The following HSF1 variants were observed in gnomAD, a reference collection of about 807,000 sequenced individuals.
HSF1 encodes heat shock factor protein 1.
Under a neutral mutation model 51.7 loss-of-function variants are expected in HSF1, and 32 were observed. The observed-to-expected ratio is 0.62, with a 90% CI of 0.47 to 0.83. The LOEUF is 0.83. Ranked by LOEUF, HSF1 falls within the 40% of genes least tolerant of loss-of-function variation. HSF1 has a pLI of 0.00. For synonymous variants in HSF1, 396 were observed against 309.7 expected, an observed-to-expected ratio of 1.28 and a Z score of -2.92; for missense variants, 727 against 717.0, an observed-to-expected ratio of 1.01 and a Z score of -0.16.
intron 2 of HSF1, 76 bp from the exon 3 acceptor site, chr8:144,309,379 C>A: frequency 2.5e-6 from 4 of 1,590,904 alleles, no homozygotes; most frequent in Non-Finnish European, 3.4e-6. Context: ...GCAGCAGCCT[C>A]CTGGAGCAGT....
chr8:144,309,012 T>C lies in HSF1; in HGVS notation c.224T>C (p.Met75Thr). The C allele has an allele frequency of 6.2e-7, 1 of 1,610,150 alleles. No individual in the cohort carries two copies. The highest frequency in any genetic ancestry group is 8.5e-7 in the Non-Finnish European group (1 of 1,176,494). ...NMASFVRQLN[M>T]YGFRKVVHIE... ...GCCAGCTTCGTGCGGCAGCTCAACA[T>C]GTGTGAGTGCTGCCTCCAGGCAGCG... is the stretch of plus-strand genomic sequence containing the variant. The change falls in exon 2 of 13, where the codon ATG (methionine) becomes ACG (threonine). Residue 75 changes from methionine (M) to threonine (T), a missense_variant and splice_region_variant. This residue lies in a region of HSF1 where 257 missense variants were observed against 318.3 expected (regional missense o/e 0.81). Transcript: ENST00000528838.
chr8:144,309,541 C>T lies in HSF1; in HGVS notation c.313C>T (p.Leu105=), dbSNP rs1554843889. 3 of 1,614,072 alleles carry T rather than the reference C, an allele frequency of 1.9e-6. No homozygotes were observed. The highest frequency in any genetic ancestry group is 2.2e-5 in the East Asian group (1 of 44,884). Residue 105 remains leucine (L), a synonymous_variant, in exon 3 of 13, where the codon CTG becomes TTG. Coordinates refer to ENST00000528838, the MANE Select transcript of HSF1 (RefSeq NM_005526.4). ...CACGGAGTTCCAGCACCCATGCTTCCTGCGTGGCCAGGAGCAGCTCCTTGA... is the reference window on the plus strand; with the variant it reads ...CACGGAGTTCCAGCACCCATGCTTCTTGCGTGGCCAGGAGCAGCTCCTTGA... The part of the protein sequence containing the change: ...DDTEFQHPCF[L]RGQEQLLENI...
chr8:144,304,561 T>C (rs1554842951), intron 1 of HSF1, among the ~76,000 whole-genome samples: 1 of 152,206 alleles, frequency 6.6e-6, no homozygotes, highest in Non-Finnish European at 1.5e-5. Flanking sequence ...ATTACAGGCA[T>C]GAGTAACTAC....
rs1321741817 is a variant in HSF1 at position 144,313,650 on chromosome 8, C to G, written c.1248+34C>G. On this transcript the variant is annotated intron_variant, in intron 10 of 12. Coordinates refer to ENST00000528838, the MANE Select transcript of HSF1 (RefSeq NM_005526.4). The stretch of plus-strand genomic sequence containing the variant: ...AGCCCCGCCGCCCCGCCTCCCCGCC[C>G]CGCCTCCCCGCCGCGCCGCCCCGCC... The G allele has an allele frequency of 4.0e-5, 10 of 249,798 alleles. 1 individual carries two copies. Among genetic ancestry groups the G allele is most frequent in the East Asian group, 2.5e-4 (2 of 8,066 alleles). 15.5% of individuals were successfully genotyped at this position (249,798 alleles called of 1,614,324 possible). A position where few individuals can be genotyped will look rare whatever the true frequency, so the allele number is the denominator to read the frequency against.
chr8:144,299,289 T>G (rs1815696834), intron 1 of HSF1, among the ~76,000 whole-genome samples: 1 of 151,366 alleles, frequency 6.6e-6, no homozygotes, highest in African/African-American at 2.4e-5. Flanking sequence ...TACAAAAAAT[T>G]AGCCATGTGT....
intron 1 of HSF1, among the ~76,000 whole-genome samples, chr8:144,302,337 T>C (rs1815944486): frequency 6.7e-6 from 1 of 149,612 alleles, no homozygotes; most frequent in South Asian, 2.2e-4. Context: ...TGAAACCCCG[T>C]CTCTACTGAA....
rs1430020082 is a variant in HSF1, at chr8:144,297,703, C to T, written c.117+5829C>T. Among the ~76,000 whole-genome samples the T allele has an allele frequency of 6.6e-6, 1 of 152,150 alleles. No homozygotes were observed. Among genetic ancestry groups the T allele is most frequent in the African/African-American group, 2.4e-5 (1 of 41,418 alleles). ...TCCTAAAGCCTATACTCCCGGGACC[C>T]GGAGAGGGAACAGCCGGCCAGCCGA... is the stretch of plus-strand genomic sequence containing the variant. On this transcript the variant is annotated intron_variant, in intron 1 of 12. Coordinates refer to ENST00000528838, the MANE Select transcript of HSF1 (RefSeq NM_005526.4). This position sits in a 1 kb window ranked among gnomAD's most constrained non-coding sequence, Gnocchi z 4.6.
rs1554844751 is a variant in HSF1, at chr8:144,311,960, C to T, written c.861-3C>T. ...CAGCTCACCTGGCCCCCCTCGTGTG[C>T]AGGCCCCTATCCAGCAGCCCCCTGG... On this transcript the variant is annotated splice_region_variant and splice_polypyrimidine_tract_variant and intron_variant, in intron 8 of 12. Transcript: ENST00000528838. The T allele has an allele frequency of 7.0e-6, 11 of 1,582,592 alleles. No homozygotes were observed. Among genetic ancestry groups the T allele is most frequent in the Admixed American group, 3.5e-5 (2 of 57,136 alleles).
At chr8:144,294,632 G>A (rs903654737) in intron 1 of HSF1, among the ~76,000 whole-genome samples, 4 of 152,228 alleles carry the variant, frequency 2.6e-5, no homozygotes, top group Admixed American at 2.0e-4. Flanking sequence ...ACCATTGCAC[G>A]TCCCCTCCCT....
Position 144,291,811 on chromosome 8 carries a change from C to G in HSF1, c.54C>G (p.Phe18Leu). ...CGGGGCCCAGCAACGTCCCGGCCTT[C>G]CTGACCAAGCTGTGGACCCTCGTGA... ...GAAGPSNVPA[F>L]LTKLWTLVSD... The change falls in exon 1 of 13, where the codon TTC (phenylalanine) becomes TTG (leucine). Residue 18 changes from phenylalanine to leucine, a missense_variant. Transcript: ENST00000528838. The surrounding 1 kb of genome is among the most constrained non-coding windows in gnomAD (Gnocchi z 4.1). 1 of 1,555,374 alleles carries G rather than the reference C, an allele frequency of 6.4e-7. No individual in the cohort carries two copies. The highest frequency in any genetic ancestry group is 8.7e-7 in the Non-Finnish European group (1 of 1,155,306).
At chr8:144,300,040 G>C (rs1554841984) in intron 1 of HSF1, among the ~76,000 whole-genome samples, 1 of 152,190 alleles carries the variant, frequency 6.6e-6, no homozygotes, top group East Asian at 1.9e-4. Context: ...CTTCGAGGAG[G>C]TGATGCTTAA....
intron 3 of HSF1, 27 bp from the exon 4 acceptor site, chr8:144,309,745 T>C: frequency 1.2e-6 from 2 of 1,609,928 alleles, no homozygotes; most frequent in Non-Finnish European, 1.7e-6. Context: ...GCTGCTCCAG[T>C]GACTCCTGTC....
intron 1 of HSF1, among the ~76,000 whole-genome samples, chr8:144,302,704 C>T (rs764283718): frequency 1.4e-4 from 21 of 151,658 alleles, no homozygotes; most frequent in Non-Finnish European, 2.1e-4. Context: ...CTCCTGTGGG[C>T]CCAGCTACGC....
Position 144,314,376 on chromosome 8 carries a change from C to T in HSF1, c.*46C>T, listed in dbSNP as rs781867973. On this transcript the variant is annotated 3_prime_UTR_variant, in exon 13 of 13. Coordinates refer to ENST00000528838, the MANE Select transcript of HSF1 (RefSeq NM_005526.4). Reference sequence around the variant, plus strand: ...CAGCCGCCCACCCCCACCCCCAGTGCAGGGCTGGTCTTGGGGAGGCAGGGC... The same window carrying T: ...CAGCCGCCCACCCCCACCCCCAGTGTAGGGCTGGTCTTGGGGAGGCAGGGC... 7.4e-6 allele frequency: 11 copies of T among 1,494,866 alleles called. No homozygotes were observed. The highest frequency in any genetic ancestry group is 1.7e-4 in the Middle Eastern group (1 of 5,808). 92.6% of individuals were successfully genotyped at this position (1,494,866 alleles called of 1,614,324 possible).
At chr8:144,296,927 T>TTGG in intron 1 of HSF1, among the ~76,000 whole-genome samples, 1 of 150,352 alleles carries the variant, frequency 6.7e-6, no homozygotes, top group South Asian at 2.1e-4. Flanking sequence ...GATGGTGTGG[T>TTGG]GGGGGGGGTG....
At chr8:144,302,597 G>A (rs904344638) in intron 1 of HSF1, among the ~76,000 whole-genome samples, 25 of 152,002 alleles carry the variant, frequency 1.6e-4, no homozygotes, top group Non-Finnish European at 2.5e-4. Context: ...GGAGGCCAGC[G>A]CGGGTAGATT....
At chr8:144,313,398 T>C (rs1243616798) in intron 9 of HSF1, 113 bp from the exon 10 acceptor site, 3 of 707,122 alleles carry the variant, frequency 4.2e-6, no homozygotes, top group Non-Finnish European at 7.4e-6. Flanking sequence ...TGTGCAGGCG[T>C]ACACGGGGGT....
rs200042298 is a variant in HSF1, at chr8:144,309,945, C to G, written c.488+49C>G. 44 of 1,588,540 alleles carry G rather than the reference C, an allele frequency of 2.8e-5. 1 individual carries two copies. In the African/African-American group the frequency reaches 5.5e-4, roughly 20 times the overall value. ...GGCCACAGCGGGTCCTGGCGCCCAC[C>G]AAGAGGCCCCGGGTGCTGTGGGGGC... is the stretch of plus-strand genomic sequence containing the variant. On this transcript the variant is annotated intron_variant, in intron 4 of 12. Transcript: ENST00000528838.
chr8:144,300,200 C>T (rs1225945244), intron 1 of HSF1, among the ~76,000 whole-genome samples: 13 of 146,880 alleles, frequency 8.9e-5, no homozygotes, highest in African/African-American at 3.3e-4. Flanking sequence ...ATGCGTATCA[C>T]TGTTGTGTAC....
Sources: allele counts gnomAD v4.1 joint callset (sites outside exome capture counted in the v4.1 genomes callset), GRCh38; gene constraint gnomAD v4.1.1; regional missense constraint gnomAD v4.1.1; non-coding constraint Gnocchi (gnomAD v3.1); transcripts MANE v1.5; gene names NCBI Gene and HGNC (gene_info 2026-07-23, HGNC 2026-07-21).